LEKR1: variants seen among roughly 807,000 people sequenced by gnomAD.
LEKR1 encodes the protein protein LEKR1.
A neutral mutation model predicts 72.4 loss-of-function variants in LEKR1; 59 were observed. The ratio of observed to expected loss-of-function variants is 0.82; its 90% CI spans 0.66 to 1.01. The LOEUF (loss-of-function observed/expected upper bound fraction) is 1.01. Among genes scored for constraint, LEKR1 ranks in the 50% least tolerant of loss-of-function variants. The pLI, the probability that LEKR1 is intolerant of heterozygous loss-of-function variation, is 0.00. For synonymous variants in LEKR1, 257 were observed against 263.2 expected, an observed-to-expected ratio of 0.98 and a Z score of 0.23; for missense variants, 728 against 759.2, an observed-to-expected ratio of 0.96 and a Z score of 0.48.
At chr3:156,982,457 C>A (rs1050570269) in intron 7 of LEKR1, among the ~76,000 whole-genome samples, 3 of 152,194 alleles carry the variant, frequency 2.0e-5, no homozygotes, top group African/African-American at 7.2e-5. Flanking sequence ...CCTTATATTT[C>A]CTTGTCTAGA....
intron 3 of LEKR1, among the ~76,000 whole-genome samples, chr3:156,854,334 C>G (rs1265257946): frequency 6.6e-6 from 1 of 150,690 alleles, no homozygotes; most frequent in East Asian, 2.0e-4. Context: ...TTAGTAGAGA[C>G]AGGGTTTCAC....
At chr3:156,888,405 AT>A (rs1161802435) in intron 3 of LEKR1, 1 of 697,796 alleles carries the variant, frequency 1.4e-6, no homozygotes, top group Non-Finnish European at 2.6e-6. Flanking sequence ...TAGGTCTGTG[AT>A]TTGTTTTCCT....
intron 9 of LEKR1, among the ~76,000 whole-genome samples, chr3:157,000,711 T>C (rs1731937952): frequency 6.6e-6 from 1 of 152,208 alleles, no homozygotes; most frequent in African/African-American, 2.4e-5. Flanking sequence ...ATCTGTTGAA[T>C]TCATTATTAT....
At chr3:157,028,080 C>A (rs1464682774) in intron 11 of LEKR1, 23 bp from the exon 12 acceptor site, 2 of 1,487,350 alleles carry the variant, frequency 1.3e-6, no homozygotes, top group Non-Finnish European at 1.8e-6. Context: ...CGCCTACAAG[C>A]TAATATGAGA....
At chr3:156,960,815 A>G (rs892245070) in intron 6 of LEKR1, among the ~76,000 whole-genome samples, 2 of 152,224 alleles carry the variant, frequency 1.3e-5, no homozygotes, top group Non-Finnish European at 2.9e-5. Flanking sequence ...AGAAAAGCCA[A>G]CATATGAAGT....
At chr3:156,936,807 A>G (rs936322616) in intron 5 of LEKR1, among the ~76,000 whole-genome samples, 2 of 152,208 alleles carry the variant, frequency 1.3e-5, no homozygotes, top group African/African-American at 4.8e-5. Context: ...GCCTTGTCCT[A>G]AAGTGCACAC....
rs1243279472 is a variant in LEKR1, at chr3:156,873,558, T to A, written c.263+20576T>A. On this transcript the variant is annotated intron_variant, in intron 3 of 12. Transcript: ENST00000356539. ...TAATAATCTTTGAGTTTGTATCTCT[T>A]CTTCATTTGTGTGTTTGCTCTACCA... Among the ~76,000 whole-genome samples, 4 of 152,190 alleles carry A rather than the reference T, an allele frequency of 2.6e-5. No individual in the cohort carries two copies. The East Asian group carries it at 7.7e-4, about 29-fold the overall frequency.
At chr3:156,876,752 T>G (rs979842709) in intron 3 of LEKR1, among the ~76,000 whole-genome samples, 1 of 152,230 alleles carries the variant, frequency 6.6e-6, no homozygotes, top group Non-Finnish European at 1.5e-5. Flanking sequence ...AGGTATACAA[T>G]CATATCATCA....
At chr3:156,950,278 G>T (rs868110520) in intron 6 of LEKR1, among the ~76,000 whole-genome samples, 1 of 151,138 alleles carries the variant, frequency 6.6e-6, no homozygotes, top group African/African-American at 2.4e-5. Context: ...TGTGATGCCT[G>T]CAGCTTTGTT....
At chr3:157,021,727 A>G (rs888800586) in intron 10 of LEKR1, among the ~76,000 whole-genome samples, 2 of 152,184 alleles carry the variant, frequency 1.3e-5, no homozygotes, top group African/African-American at 4.8e-5. Context: ...ATACCTTAGC[A>G]CCTCAATACA....
intron 9 of LEKR1, among the ~76,000 whole-genome samples, chr3:157,002,080 T>C (rs977655654): frequency 5.9e-5 from 9 of 152,170 alleles, no homozygotes; most frequent in African/African-American, 2.2e-4. Context: ...TGGATTCTAA[T>C]GGTAATCTTC....
intron 9 of LEKR1, among the ~76,000 whole-genome samples, chr3:156,994,159 T>A (rs1731358741): frequency 6.6e-6 from 1 of 152,154 alleles, no homozygotes; most frequent in Non-Finnish European, 1.5e-5. Context: ...TAGTTTATAT[T>A]TTATTTTATG....
At chr3:156,944,712 C>A (rs977639984) in intron 6 of LEKR1, among the ~76,000 whole-genome samples, 31 of 151,620 alleles carry the variant, frequency 2.0e-4, no homozygotes, top group Middle Eastern at 3.4e-3. Context: ...ACATAATGAC[C>A]CCCAGTTTCA....
intron 2 of LEKR1, among the ~76,000 whole-genome samples, chr3:156,835,801 C>T (rs1436169754): frequency 6.6e-6 from 1 of 150,536 alleles, no homozygotes; most frequent in Non-Finnish European, 1.5e-5. Flanking sequence ...TCCTCCCTTC[C>T]TTCCTTCCTT....
chr3:156,892,660 A>G (rs1045118008), intron 3 of LEKR1, among the ~76,000 whole-genome samples: 4 of 152,190 alleles, frequency 2.6e-5, no homozygotes, highest in African/African-American at 9.6e-5. Flanking sequence ...CACACTGACC[A>G]TAACTCATTC....
rs370896609 is a variant in LEKR1 at position 156,854,137 on chromosome 3, C to CTT, written c.263+1178_263+1179dup. Among the ~76,000 whole-genome samples the CTT allele has an allele frequency of 3.2e-3, 342 of 108,224 alleles. 18 individuals carry two copies. The highest frequency in any genetic ancestry group is 7.8e-3 in the African/African-American group (217 of 27,694). 71.0% of individuals were successfully genotyped at this position (108,224 alleles called of 152,430 possible). ...GTATTCTTACTGGAGGTAAAAATCACTTTTTTTTTTTTTTTTTTTTTTTTG... is the reference window on the plus strand; with the variant it reads ...GTATTCTTACTGGAGGTAAAAATCACTTTTTTTTTTTTTTTTTTTTTTTTTTG... On this transcript the variant is annotated intron_variant, in intron 3 of 12. Coordinates refer to ENST00000356539, the MANE Select transcript of LEKR1 (RefSeq NM_001004316.3).
At position 157,045,263 on chromosome 3, in the gene LEKR1, T is replaced by C. The variant is rs1299689617; in HGVS notation, c.1669-77T>C. Reference sequence around the variant, plus strand: ...TCTGATTTCCAGTTCTGTTCTCAAATTGTATTGTCCGTAACTATCTACTTA... The same window carrying C: ...TCTGATTTCCAGTTCTGTTCTCAAACTGTATTGTCCGTAACTATCTACTTA... On this transcript the variant is annotated intron_variant, in intron 12 of 12. Coordinates refer to ENST00000356539, the MANE Select transcript of LEKR1 (RefSeq NM_001004316.3). The C allele has an allele frequency of 4.1e-6, 5 of 1,225,884 alleles. No individual in the cohort carries two copies. The East Asian group carries it at 1.2e-4, about 29-fold the overall frequency. 75.9% of individuals were successfully genotyped at this position (1,225,884 alleles called of 1,614,324 possible).
chr3:157,005,069 A>G (rs1277063711), intron 9 of LEKR1, among the ~76,000 whole-genome samples: 2 of 152,068 alleles, frequency 1.3e-5, no homozygotes, highest in African/African-American at 2.4e-5. Flanking sequence ...AAGAGAAGTC[A>G]GAAATTACTA....
intron 2 of LEKR1, among the ~76,000 whole-genome samples, chr3:156,841,023 G>A (rs184267171): frequency 6.6e-6 from 1 of 152,310 alleles, no homozygotes; most frequent in African/African-American, 2.4e-5. Context: ...TCACCTCTCA[G>A]GCAGAGGATG....
Sources: gnomAD v4.1 joint callset for allele counts (sites outside exome capture counted in the v4.1 genomes callset) on GRCh38, gnomAD v4.1.1 for gene constraint, MANE v1.5 for transcripts, NCBI Gene and HGNC (gene_info 2026-07-23, HGNC 2026-07-21) for gene names.